The following UNC5C variants were observed in gnomAD, a reference collection of about 807,000 sequenced individuals.
The protein encoded by UNC5C is netrin receptor UNC5C.
Under a neutral mutation model 99.8 loss-of-function variants are expected in UNC5C, and 47 were observed. That is an observed-to-expected ratio of 0.47 (90% confidence interval 0.37 to 0.60). The LOEUF is 0.60. Among genes scored for constraint, UNC5C ranks in the 20% least tolerant of loss-of-function variants. The pLI is 0.00. For missense variants in UNC5C, 1,062 were observed against 1,165.9 expected, an observed-to-expected ratio of 0.91 and a Z score of 1.30; for synonymous variants, 487 against 452.2, an observed-to-expected ratio of 1.08 and a Z score of -0.98.
chr4:95,543,181 A>G lies in UNC5C; in HGVS notation c.124+5553T>C, dbSNP rs920019051. On this transcript the variant is annotated intron_variant, in intron 1 of 15. Coordinates refer to ENST00000453304, the MANE Select transcript of UNC5C (RefSeq NM_003728.4). ...AAGAAATGAAACCAAAGAAGCATCC[A>G]TACATAGGTTTAAGAAATCAGGTTA... 3.3e-5 allele frequency among the ~76,000 whole-genome samples: 5 copies of G among 152,182 alleles called. 1 individual carries two copies. Among genetic ancestry groups the G allele is most frequent in the Non-Finnish European group, 7.4e-5 (5 of 68,018 alleles).
chr4:95,475,540 CAGACAGAT>C (rs1367247028), intron 1 of UNC5C, among the ~76,000 whole-genome samples: 2 of 145,688 alleles, frequency 1.4e-5, no homozygotes, highest in African/African-American at 5.5e-5. Context: ...GACAGATAGA[CAGACAGAT>C]GGATAGATAG....
intron 1 of UNC5C, among the ~76,000 whole-genome samples, chr4:95,473,794 A>G (rs1429882222): frequency 1.3e-5 from 2 of 152,094 alleles, no homozygotes; most frequent in Admixed American, 1.3e-4. Flanking sequence ...AAACTTCTAC[A>G]GAGGGGAGAT....
intron 1 of UNC5C, among the ~76,000 whole-genome samples, chr4:95,364,058 C>CATCTCA (rs1467178143): frequency 2.1e-4 from 32 of 152,128 alleles, no homozygotes; most frequent in African/African-American, 7.5e-4. Flanking sequence ...CAAAATGACC[C>CATCTCA]ATCTCAATGA....
chr4:95,401,202 A>G (rs773006715), intron 1 of UNC5C, among the ~76,000 whole-genome samples: 1 of 152,184 alleles, frequency 6.6e-6, no homozygotes, highest in Non-Finnish European at 1.5e-5. Flanking sequence ...ACCATGTGCA[A>G]TACAGGAGGC....
chr4:95,166,439 C>G lies in UNC5C; in HGVS notation c.*2795G>C, dbSNP rs188747463. 8 of 152,326 alleles carry G rather than the reference C, an allele frequency of 5.3e-5. No individual in the cohort carries two copies. Among genetic ancestry groups the G allele is most frequent in the Non-Finnish European group, 1.0e-4 (7 of 68,020 alleles). 9.4% of individuals were successfully genotyped at this position (152,326 alleles called of 1,614,324 possible). ...AGTACCTCACACACGAAATCAATCACTTTTCCCTTTTCTGGTGGTGGGAAG... is the reference window on the plus strand; with the variant it reads ...AGTACCTCACACACGAAATCAATCAGTTTTCCCTTTTCTGGTGGTGGGAAG... On this transcript the variant is annotated 3_prime_UTR_variant, in exon 16 of 16. Transcript: ENST00000453304.
Position 95,317,377 on chromosome 4 carries a change from A to G in UNC5C, c.347-15628T>C, listed in dbSNP as rs577961533. Among the ~76,000 whole-genome samples, 5 of 152,340 alleles carry G rather than the reference A, an allele frequency of 3.3e-5. No homozygotes were observed. In the East Asian group the frequency reaches 9.7e-4, roughly 29 times the overall value. ...TGGGAAGCCAACTGAGAGCGGCTGC[A>G]TTAACAACGTGTTTACATTCCCATT... On this transcript the variant is annotated intron_variant, in intron 2 of 15. Coordinates refer to ENST00000453304, the MANE Select transcript of UNC5C (RefSeq NM_003728.4).
At chr4:95,220,330 C>T (rs1738426334) in intron 7 of UNC5C, among the ~76,000 whole-genome samples, 154 bp from the exon 8 acceptor site, 1 of 152,150 alleles carries the variant, frequency 6.6e-6, no homozygotes, top group African/African-American at 2.4e-5. Context: ...TGTGGCCTTT[C>T]AGTGGAAAAT....
At chr4:95,471,962 G>C (rs1281906592) in intron 1 of UNC5C, among the ~76,000 whole-genome samples, 2 of 152,058 alleles carry the variant, frequency 1.3e-5, no homozygotes, top group Non-Finnish European at 1.5e-5. Context: ...AAGTCTAGCT[G>C]TGCAGAAAGA....
intron 14 of UNC5C, among the ~76,000 whole-genome samples, chr4:95,180,141 C>A (rs566132467): frequency 6.6e-6 from 1 of 150,992 alleles, no homozygotes; most frequent in Admixed American, 6.6e-5. Context: ...CACTTACTTA[C>A]TAACAAACAT....
Position 95,170,216 on chromosome 4 carries a change from C to T in UNC5C, c.2568G>A (p.Leu856=). The T allele has an allele frequency of 6.2e-7, 1 of 1,614,136 alleles. No individual in the cohort carries two copies. Among genetic ancestry groups the T allele is most frequent in the Non-Finnish European group, 8.5e-7 (1 of 1,180,028 alleles). Residue 856 remains leucine, a synonymous_variant, in exon 15 of 16, where the codon CTG becomes CTA. Transcript: ENST00000453304. ...CATGGCCTCTCGTCTGGGGGGCATC[C>T]AGGCTGCTACAGAGCTTCTGCCGGA... ...LPIRQKLCSS[L]DAPQTRGHDW...
At chr4:95,301,577 C>T (rs529932039) in intron 3 of UNC5C, 29 bp downstream of exon 3, 15 of 1,613,188 alleles carry the variant, frequency 9.3e-6, no homozygotes, top group Middle Eastern at 1.7e-4. Context: ...ACTTCTGAGA[C>T]CCAAGGTGCT....
intron 7 of UNC5C, among the ~76,000 whole-genome samples, chr4:95,228,263 T>C (rs910324499): frequency 1.3e-5 from 2 of 152,216 alleles, no homozygotes; most frequent in African/African-American, 2.4e-5. Flanking sequence ...TCAAATTTTT[T>C]CTTTCCAAGC....
At chr4:95,403,151 AAG>A (rs1410082779) in intron 1 of UNC5C, among the ~76,000 whole-genome samples, 1 of 152,224 alleles carries the variant, frequency 6.6e-6, no homozygotes, top group African/African-American at 2.4e-5. Flanking sequence ...AAAATAAAAA[AAG>A]AGAAAAAGCT....
Position 95,483,006 on chromosome 4 carries a change from TAATAATAATA to T in UNC5C, c.124+65718_124+65727del, listed in dbSNP as rs1721210472. On this transcript the variant is annotated intron_variant, in intron 1 of 15. Transcript: ENST00000453304. ...CACATGTACCCTAAAACTTAAAGTA[TAATAATAATA>T]ATAATAATAATAATAATAATAATAA... 2.2e-4 allele frequency among the ~76,000 whole-genome samples: 3 copies of T among 13,454 alleles called. No homozygotes were observed. In the African/African-American group the frequency reaches 8.0e-3, roughly 36 times the overall value. 8.8% of individuals were successfully genotyped at this position (13,454 alleles called of 152,430 possible).
chr4:95,329,923 CGAT>C (rs1388549154), intron 2 of UNC5C, among the ~76,000 whole-genome samples: 1 of 151,958 alleles, frequency 6.6e-6, no homozygotes, highest in Non-Finnish European at 1.5e-5. Context: ...GTGATGGTGG[CGAT>C]GATGATGATG....
intron 7 of UNC5C, among the ~76,000 whole-genome samples, chr4:95,224,206 CT>C (rs1236728454): frequency 6.6e-6 from 1 of 152,212 alleles, no homozygotes; most frequent in Admixed American, 6.5e-5. Flanking sequence ...TCACTTGAGA[CT>C]GGGAGGCGGA....
chr4:95,409,137 A>G (rs927151026), intron 1 of UNC5C, among the ~76,000 whole-genome samples: 1 of 152,220 alleles, frequency 6.6e-6, no homozygotes, highest in Non-Finnish European at 1.5e-5. Context: ...CTTTGCAAGA[A>G]CTTTCCTATC....
At chr4:95,317,590 C>T (rs1234404557) in intron 2 of UNC5C, among the ~76,000 whole-genome samples, 1 of 152,094 alleles carries the variant, frequency 6.6e-6, no homozygotes, top group Non-Finnish European at 1.5e-5. Flanking sequence ...ATGGCTGTCA[C>T]AGTGCAGGGG....
At chr4:95,429,302 C>CAA (rs34733638) in intron 1 of UNC5C, among the ~76,000 whole-genome samples, 2 of 137,018 alleles carry the variant, frequency 1.5e-5, no homozygotes, top group Admixed American at 7.0e-5. Flanking sequence ...AAAAAACAAA[C>CAA]AAAAAAAACA....
Sources: allele counts gnomAD v4.1 joint callset (sites outside exome capture counted in the v4.1 genomes callset), GRCh38; gene constraint gnomAD v4.1.1; transcripts MANE v1.5; gene names NCBI Gene and HGNC (gene_info 2026-07-23, HGNC 2026-07-21).